The following ESRRG variants were observed in gnomAD, a reference collection of about 807,000 sequenced individuals.
The protein encoded by ESRRG is estrogen-related receptor gamma.
ESRRG carries 13 observed loss-of-function variants against 44.0 expected under a neutral mutation model. The ratio of observed to expected loss-of-function variants is 0.30; its 90% CI spans 0.19 to 0.47. The LOEUF is 0.47. ESRRG is among the 20% of genes least tolerant of loss of function. The pLI is 1.00. For synonymous variants in ESRRG, 215 were observed against 214.6 expected, an observed-to-expected ratio of 1.00 and a Z score of -0.02; for missense variants, 395 against 580.6, an observed-to-expected ratio of 0.68 and a Z score of 3.29.
intron 1 of ESRRG, among the ~76,000 whole-genome samples, chr1:217,114,172 A>G (rs1379012096): frequency 5.3e-5 from 8 of 152,110 alleles, no homozygotes; most frequent in Non-Finnish European, 1.0e-4. Flanking sequence ...TTAAATAAGT[A>G]TTAGGTAGAA....
At chr1:216,599,192 T>C (rs1036147455) in intron 3 of ESRRG, among the ~76,000 whole-genome samples, 74 of 152,232 alleles carry the variant, frequency 4.9e-4, no homozygotes, top group African/African-American at 1.8e-3. Flanking sequence ...AACCCACAAT[T>C]AAAGATCTTG....
In ESRRG at chr1:216,677,278, G is replaced by T. The variant is rs1331128460; in HGVS notation, c.270C>A (p.Ile90=). The change falls in exon 2 of 7, where the codon ATC becomes ATA. Residue 90 remains isoleucine, a synonymous_variant. Coordinates refer to ENST00000408911, the MANE Select transcript of ESRRG (RefSeq NM_001438.4). ...DSPPLYPSAP[I]LGGSGPVRKL... ...TCCTGACAGGCCCACTACCTCCCAG[G>T]ATAGGAGCAGAAGGGTAGAGAGGTG... 6.2e-7 allele frequency: 1 copy of T among 1,614,012 alleles called. No homozygotes were observed. The highest frequency in any genetic ancestry group is 8.5e-7 in the Non-Finnish European group (1 of 1,180,032).
At chr1:216,904,105 T>C (rs2059412135) in intron 2 of ESRRG, among the ~76,000 whole-genome samples, 1 of 152,140 alleles carries the variant, frequency 6.6e-6, no homozygotes, top group Non-Finnish European at 1.5e-5. Flanking sequence ...ATTTCAAAAA[T>C]GCCCCTAGCA....
At chr1:216,967,663 A>G (rs867139403) in intron 1 of ESRRG, among the ~76,000 whole-genome samples, 41 of 152,306 alleles carry the variant, frequency 2.7e-4, no homozygotes, top group African/African-American at 9.4e-4. Context: ...GTTGCTTCCA[A>G]ATTTTGGCAG....
At chr1:217,093,418 A>G (rs1418750409), upstream of ESRRG, among the ~76,000 whole-genome samples, 3 of 152,124 alleles carry the variant, frequency 2.0e-5, no homozygotes, top group African/African-American at 4.8e-5. Flanking sequence ...AGGTAAAGTT[A>G]GACAAGTTTA....
In ESRRG at chr1:217,102,216, T is replaced by G. The variant is rs116081589; in HGVS notation, c.-230+35451A>C. Among the ~76,000 whole-genome samples, 796 of 152,322 alleles carry G rather than the reference T, an allele frequency of 5.2e-3. 8 individuals are homozygous for G. Among genetic ancestry groups the G allele is most frequent in the African/African-American group, 0.018 (760 of 41,568 alleles). On this transcript the variant is annotated intron_variant, in intron 1 of 8. Coordinates refer to the ESRRG transcript ENST00000366940. ...ATGCAATAGGTGTTGTTACATCCAT[T>G]TTTAAATCTGTAAAAACGGAGGCAC...
intron 1 of ESRRG, among the ~76,000 whole-genome samples, chr1:217,041,178 G>A (rs933865864): frequency 6.6e-6 from 1 of 151,924 alleles, no homozygotes; most frequent in African/African-American, 2.4e-5. Flanking sequence ...CGAAATCACA[G>A]AGACCCAGGG....
intron 1 of ESRRG, 44 bp from the exon 2 acceptor site, chr1:216,677,535 T>G (rs1167514139): frequency 6.6e-7 from 1 of 1,507,772 alleles, no homozygotes; most frequent in East Asian, 2.3e-5. Flanking sequence ...GAGGAGAGAG[T>G]GTCAAGCACA....
chr1:216,875,239 A>G (rs187670099), intron 2 of ESRRG, among the ~76,000 whole-genome samples: 95 of 152,318 alleles, frequency 6.2e-4, no homozygotes, highest in Non-Finnish European at 1.0e-3. Context: ...ACTTTTTAAA[A>G]TTAAGTTTTA....
chr1:216,922,032 G>C (rs1229347990), intron 2 of ESRRG, among the ~76,000 whole-genome samples: 1 of 152,144 alleles, frequency 6.6e-6, no homozygotes, highest in Non-Finnish European at 1.5e-5. Flanking sequence ...TCAACAGTGG[G>C]ATAACACCGC....
chr1:216,558,533 G>A (rs940023313), intron 5 of ESRRG, among the ~76,000 whole-genome samples: 1 of 152,058 alleles, frequency 6.6e-6, no homozygotes, highest in African/African-American at 2.4e-5. Flanking sequence ...GGTTTTAATT[G>A]TAATGACAAT....
chr1:216,814,019 A>G (rs1234465379), intron 2 of ESRRG, among the ~76,000 whole-genome samples: 1 of 152,108 alleles, frequency 6.6e-6, no homozygotes, highest in African/African-American at 2.4e-5. Context: ...CTGCAGCACC[A>G]CTAATATCCC....
intron 2 of ESRRG, among the ~76,000 whole-genome samples, chr1:216,908,823 C>T (rs575022853): frequency 1.5e-4 from 18 of 118,832 alleles, no homozygotes; most frequent in African/African-American, 5.8e-4. Flanking sequence ...GTAGGGTACA[C>T]ACTCCTAGAA....
intron 1 of ESRRG, among the ~76,000 whole-genome samples, chr1:217,046,216 T>A (rs986971004): frequency 1.3e-5 from 2 of 151,786 alleles, no homozygotes; most frequent in East Asian, 3.9e-4. Flanking sequence ...ATACCCCTGA[T>A]GGATACTAGC....
At chr1:216,983,218 G>A (rs2074279221) in intron 1 of ESRRG, among the ~76,000 whole-genome samples, 1 of 151,692 alleles carries the variant, frequency 6.6e-6, no homozygotes. Context: ...AGTATACCAA[G>A]ACAGTGGTAT....
chr1:216,506,670 A>C lies in ESRRG; in HGVS notation c.*269T>G. 1 of 548,888 alleles carries C rather than the reference A, an allele frequency of 1.8e-6. No homozygotes were observed. The highest frequency in any genetic ancestry group is 3.4e-6 in the Non-Finnish European group (1 of 296,008). The allele number at this position is 548,888 out of a possible 1,614,324, so 34.0% of individuals were successfully genotyped here. A position where few individuals can be genotyped will look rare whatever the true frequency, so the allele number is the denominator to read the frequency against. On this transcript the variant is annotated 3_prime_UTR_variant, in exon 7 of 7. Transcript: ENST00000408911. ...TAGGAATGAAAGAAGCAAAGAAATA[A>C]GGGAGGTGAAAGAAGAAAAGGAGAA... is the stretch of plus-strand genomic sequence containing the variant.
chr1:216,837,600 C>T (rs1425876487), intron 2 of ESRRG, among the ~76,000 whole-genome samples: 1 of 152,116 alleles, frequency 6.6e-6, no homozygotes, highest in African/African-American at 2.4e-5. Flanking sequence ...GTCCAAAGAT[C>T]CCCTGGTCAT....
chr1:216,820,150 T>C (rs1380123593), intron 2 of ESRRG, among the ~76,000 whole-genome samples: 1 of 152,226 alleles, frequency 6.6e-6, no homozygotes, highest in Non-Finnish European at 1.5e-5. Flanking sequence ...AGTTCTCATA[T>C]TCCAGACTTT....
At chr1:216,634,756 C>G (rs976194487) in intron 3 of ESRRG, among the ~76,000 whole-genome samples, 2 of 152,050 alleles carry the variant, frequency 1.3e-5, no homozygotes, top group African/African-American at 2.4e-5. Flanking sequence ...TCTTCCTTCC[C>G]CAAAACAAAA....
Sources: gnomAD v4.1 joint callset for allele counts (sites outside exome capture counted in the v4.1 genomes callset) on GRCh38, gnomAD v4.1.1 for gene constraint, MANE v1.5 for transcripts, NCBI Gene and HGNC (gene_info 2026-07-23, HGNC 2026-07-21) for gene names.